The following LCMT1 variants were observed in gnomAD, a reference collection of about 807,000 sequenced individuals.
The protein encoded by LCMT1 is [Phosphatase 2A protein]-leucine-carboxy methyltransferase 1.
LCMT1 carries 32 observed loss-of-function variants against 47.7 expected under a neutral mutation model. The observed-to-expected ratio is 0.67, with a 90% CI of 0.51 to 0.90. LCMT1 has a LOEUF of 0.90. LCMT1 is among the 40% of genes least tolerant of loss of function. The pLI is 0.00. For synonymous variants in LCMT1, 152 were observed against 149.7 expected (o/e 1.02, Z -0.11); for missense variants, 375 against 415.2 (o/e 0.90, Z 0.84).
intron 1 of LCMT1, among the ~76,000 whole-genome samples, chr16:25,121,268 G>A (rs886910516): frequency 8.6e-5 from 13 of 151,958 alleles, no homozygotes; most frequent in African/African-American, 2.7e-4. Context: ...AAATTAGTTG[G>A]GGGTGGTGGT....
At chr16:25,170,382 A>T (rs774641360) in intron 8 of LCMT1, among the ~76,000 whole-genome samples, 1 of 152,216 alleles carries the variant, frequency 6.6e-6, no homozygotes, top group African/African-American at 2.4e-5. Context: ...CTTGTTCAAT[A>T]TGGAAAGTTG....
At chr16:25,129,545 T>C (rs1960290523) in intron 2 of LCMT1, among the ~76,000 whole-genome samples, 1 of 152,206 alleles carries the variant, frequency 6.6e-6, no homozygotes, top group Non-Finnish European at 1.5e-5. Context: ...GGAATCACTT[T>C]TTTTTCCCCA....
intron 10 of LCMT1, 142 bp downstream of exon 10, chr16:25,175,176 C>T (rs1344920578): frequency 1.7e-6 from 1 of 598,930 alleles, no homozygotes; most frequent in South Asian, 2.0e-5. Flanking sequence ...GGGTCTCGCT[C>T]TGTCACCCAG....
chr16:25,131,283 C>A (rs1173223244), intron 2 of LCMT1, among the ~76,000 whole-genome samples: 2 of 152,228 alleles, frequency 1.3e-5, no homozygotes, highest in African/African-American at 4.8e-5. Flanking sequence ...GATTTCCTAA[C>A]AAATGCTGCA....
chr16:25,125,933 A>C (rs755449797), intron 1 of LCMT1: 14 of 1,149,730 alleles, frequency 1.2e-5, no homozygotes, highest in Non-Finnish European at 1.5e-5. Flanking sequence ...TGTCCTATAA[A>C]TCCTAAAACT....
chr16:25,159,515 T>C (rs548360845), intron 5 of LCMT1, among the ~76,000 whole-genome samples: 14 of 152,194 alleles, frequency 9.2e-5, no homozygotes, highest in Non-Finnish European at 2.1e-4. Context: ...ATCCTCCTGC[T>C]TGGGCCTCCC....
intron 1 of LCMT1, among the ~76,000 whole-genome samples, chr16:25,114,882 CTGT>C (rs1959739866): frequency 6.6e-6 from 1 of 152,300 alleles, no homozygotes; most frequent in African/African-American, 2.4e-5. Flanking sequence ...CTCCTGATTG[CTGT>C]TGTTCAGCTC....
chr16:25,172,957 C>CT (rs1483808179), intron 9 of LCMT1, among the ~76,000 whole-genome samples: 2 of 152,240 alleles, frequency 1.3e-5, no homozygotes, highest in Non-Finnish European at 2.9e-5. Flanking sequence ...AGTCATTTGT[C>CT]TCATGTTTCC....
intron 2 of LCMT1, among the ~76,000 whole-genome samples, chr16:25,129,795 G>A (rs1005884255): frequency 1.3e-5 from 2 of 152,182 alleles, no homozygotes; most frequent in African/African-American, 4.8e-5. Flanking sequence ...ATTTCAGGCT[G>A]AGCATATCTT....
intron 4 of LCMT1, chr16:25,146,054 A>G (rs888728597): frequency 6.6e-6 from 1 of 152,242 alleles, no homozygotes; most frequent in African/African-American, 2.4e-5. Flanking sequence ...GGAGTAGGAC[A>G]TTCCGGGGGG....
At chr16:25,148,623 C>A (rs1277096452) in intron 4 of LCMT1, 1 of 152,474 alleles carries the variant, frequency 6.6e-6, no homozygotes, top group Admixed American at 6.5e-5. Flanking sequence ...AAAAAGACAA[C>A]AAATAGGGGA....
intron 10 of LCMT1, among the ~76,000 whole-genome samples, chr16:25,177,041 G>A (rs559340271): frequency 5.1e-4 from 78 of 151,992 alleles, no homozygotes; most frequent in African/African-American, 1.5e-3. Flanking sequence ...TTAGCTGGGC[G>A]TGGTGGCACA....
At chr16:25,155,385 CAT>C (rs1961223044) in intron 5 of LCMT1, among the ~76,000 whole-genome samples, 2 of 151,286 alleles carry the variant, frequency 1.3e-5, no homozygotes, top group African/African-American at 4.9e-5. Context: ...GTCACAAAAA[CAT>C]AAAAAAAAAA....
chr16:25,148,740 G>C (rs775840617), intron 4 of LCMT1: 8 of 152,256 alleles, frequency 5.3e-5, no homozygotes, highest in African/African-American at 1.9e-4. Flanking sequence ...CGCCAGTCGC[G>C]GTGGCAGCGC....
At chr16:25,165,636 G>C (rs1597601785) in intron 7 of LCMT1, among the ~76,000 whole-genome samples, 2 of 151,962 alleles carry the variant, frequency 1.3e-5, no homozygotes, top group South Asian at 4.2e-4. Flanking sequence ...TCCTGCCTCA[G>C]CCTTCCAAGT....
chr16:25,173,546 A>G (rs1303877000), intron 9 of LCMT1, among the ~76,000 whole-genome samples: 2 of 152,224 alleles, frequency 1.3e-5, no homozygotes, highest in Admixed American at 1.3e-4. Context: ...GTGCACACAT[A>G]TAACAGACAA....
chr16:25,169,527 GT>G, intron 8 of LCMT1: 1 of 208,160 alleles, frequency 4.8e-6, no homozygotes, highest in Admixed American at 5.3e-5. Flanking sequence ...TATTATCAGT[GT>G]TATTTCCTAT....
chr16:25,165,723 G>A (rs1427925218), intron 7 of LCMT1, among the ~76,000 whole-genome samples: 1 of 151,450 alleles, frequency 6.6e-6, no homozygotes, highest in Non-Finnish European at 1.5e-5. Context: ...CACCATTTTG[G>A]CCAGGCTGGT....
chr16:25,174,243 A>G (rs796077810), intron 9 of LCMT1, among the ~76,000 whole-genome samples: 1 of 152,246 alleles, frequency 6.6e-6, no homozygotes, highest in African/African-American at 2.4e-5. Context: ...TTACATTTAA[A>G]AGGCTTTTTG....
Sources: gnomAD v4.1 joint callset for allele counts (sites outside exome capture counted in the v4.1 genomes callset) on GRCh38, gnomAD v4.1.1 for gene constraint, MANE v1.5 for transcripts, NCBI Gene and HGNC (gene_info 2026-07-23, HGNC 2026-07-21) for gene names.